AK9: variants seen among roughly 807,000 people sequenced by gnomAD.
AK9 encodes adenylate kinase 9.
AK9 carries 191 observed loss-of-function variants against 239.6 expected under a neutral mutation model. The observed-to-expected ratio is 0.80, with a 90% CI of 0.71 to 0.90. The LOEUF is 0.90. AK9 is among the 40% of genes least tolerant of loss of function. The probability of loss-of-function intolerance (pLI) is 0.00; values close to 1 mark genes in which losing one functional copy is unlikely to be tolerated. For missense variants in AK9, 1,995 were observed against 2,214.7 expected, an observed-to-expected ratio of 0.90 and a Z score of 1.99; for synonymous variants, 689 against 721.0, an observed-to-expected ratio of 0.96 and a Z score of 0.71.
At chr6:109,658,962 A>C (rs4947003) in intron 7 of AK9, among the ~76,000 whole-genome samples, 88,510 of 151,950 alleles carry the variant, frequency 0.58, 27,470 homozygotes, top group South Asian at 0.84. Flanking sequence ...ATAACTCCAT[A>C]GTTATGAAAT....
intron 8 of AK9, among the ~76,000 whole-genome samples, chr6:109,651,988 G>C (rs373380124): frequency 7.8e-4 from 119 of 152,176 alleles, no homozygotes; most frequent in South Asian, 2.3e-3. Flanking sequence ...AAGAGGAGCT[G>C]GTACCATTCC....
intron 35 of AK9, among the ~76,000 whole-genome samples, chr6:109,500,080 A>T (rs1777459938): frequency 7.2e-6 from 1 of 138,076 alleles, no homozygotes; most frequent in African/African-American, 2.7e-5. Context: ...CACAATTTAT[A>T]CCTGTGTATA....
Position 109,639,018 on chromosome 6 carries a change from A to G in AK9, c.933+2500T>C, listed in dbSNP as rs975907272. 6.0e-4 allele frequency among the ~76,000 whole-genome samples: 91 copies of G among 152,206 alleles called. 3 individuals are homozygous for G. The highest frequency in any genetic ancestry group is 2.1e-3 in the African/African-American group (89 of 41,444). On this transcript the variant is annotated intron_variant, in intron 10 of 40. Coordinates refer to ENST00000424296, the MANE Select transcript of AK9 (RefSeq NM_001145128.3). Reference sequence around the variant, plus strand: ...ATGGCTGCATAGTATTCCATGGTGTATATGTGCCACATTTTCTTAATCCAG... The same window carrying G: ...ATGGCTGCATAGTATTCCATGGTGTGTATGTGCCACATTTTCTTAATCCAG...
chr6:109,572,589 A>C (rs555258564), intron 21 of AK9, among the ~76,000 whole-genome samples: 14 of 152,300 alleles, frequency 9.2e-5, no homozygotes, highest in African/African-American at 3.4e-4. Flanking sequence ...ATAATACTTA[A>C]TATACTTGTC....
intron 9 of AK9, chr6:109,644,400 T>C: frequency 2.4e-6 from 1 of 417,180 alleles, no homozygotes; most frequent in Admixed American, 4.4e-5. Context: ...TTGAGACGCC[T>C]TTTGAAAGAG....
At position 109,653,995 on chromosome 6, in the gene AK9, G is replaced by A. The variant is rs1459525071; in HGVS notation, c.759+2761C>T. 9.4e-5 allele frequency among the ~76,000 whole-genome samples: 9 copies of A among 95,294 alleles called. No homozygotes were observed. In the East Asian group the frequency reaches 6.1e-3, roughly 64 times the overall value. The allele number at this position is 95,294 out of a possible 152,430, so 62.5% of individuals were successfully genotyped here. A position where few individuals can be genotyped will look rare whatever the true frequency, so the allele number is the denominator to read the frequency against. On this transcript the variant is annotated intron_variant, in intron 8 of 40. Coordinates refer to ENST00000424296, the MANE Select transcript of AK9 (RefSeq NM_001145128.3). ...CCCTGTGTTCCTGGAAAGCAGGGATGGCTGAGAAGACCCACCTCCATCCTT... is the reference window on the plus strand; with the variant it reads ...CCCTGTGTTCCTGGAAAGCAGGGATAGCTGAGAAGACCCACCTCCATCCTT...
At chr6:109,600,180 T>C (rs1279267923) in intron 17 of AK9, among the ~76,000 whole-genome samples, 2 of 152,122 alleles carry the variant, frequency 1.3e-5, no homozygotes, top group African/African-American at 4.8e-5. Context: ...ATGCTTCCAG[T>C]TTTTGCCCAT....
At chr6:109,592,446 C>CTTTTTTTTTTTTTTTTTTTTTTTTTTTT in intron 17 of AK9, among the ~76,000 whole-genome samples, 1 of 126,760 alleles carries the variant, frequency 7.9e-6, no homozygotes, top group Non-Finnish European at 1.6e-5. Flanking sequence ...AATGGGATTT[C>CTTTTTTTTTTTTTTTTTTTTTTTTTTTT]TTTTTTTTTT....
chr6:109,666,069 T>C (rs756179629), intron 5 of AK9, among the ~76,000 whole-genome samples: 1 of 152,234 alleles, frequency 6.6e-6, no homozygotes, highest in East Asian at 1.9e-4. Flanking sequence ...TCCATGGATC[T>C]AGCTCTCTCT....
At chr6:109,663,347 G>A (rs1800700683) in intron 5 of AK9, among the ~76,000 whole-genome samples, 1 of 152,072 alleles carries the variant, frequency 6.6e-6, no homozygotes, top group African/African-American at 2.4e-5. Context: ...GGAATTAAAA[G>A]CTTTCAGCTT....
chr6:109,672,451 G>A (rs1296979038), intron 3 of AK9, among the ~76,000 whole-genome samples: 1 of 152,130 alleles, frequency 6.6e-6, no homozygotes, highest in Non-Finnish European at 1.5e-5. Context: ...GGGAGTTCAA[G>A]GCAGGAGGAT....
At chr6:109,506,188 G>T in intron 35 of AK9, 139 bp downstream of exon 35, 2 of 719,480 alleles carry the variant, frequency 2.8e-6, no homozygotes, top group Non-Finnish European at 4.6e-6. Flanking sequence ...ATTATATATA[G>T]TATTGGATAA....
Position 109,680,745 on chromosome 6 carries a change from A to C in AK9, c.-11-4989T>G, listed in dbSNP as rs181277096. Reference sequence around the variant, plus strand: ...CCACAAAGGGAAGCCCATCAGACTAACAGTGGATCTCTGCAGAAACCCTAC... The same window carrying C: ...CCACAAAGGGAAGCCCATCAGACTACCAGTGGATCTCTGCAGAAACCCTAC... On this transcript the variant is annotated intron_variant, in intron 1 of 40. Transcript: ENST00000424296. Among the ~76,000 whole-genome samples the C allele has an allele frequency of 6.9e-3, 1,049 of 152,366 alleles. 13 individuals are homozygous for C. The highest frequency in any genetic ancestry group is 0.024 in the African/African-American group (1,011 of 41,580).
At chr6:109,603,804 T>G (rs531063748) in intron 17 of AK9, among the ~76,000 whole-genome samples, 4 of 152,282 alleles carry the variant, frequency 2.6e-5, no homozygotes, top group Admixed American at 2.0e-4. Flanking sequence ...ACTGGCACAT[T>G]GCAGTTCGAT....
At chr6:109,566,704 C>A (rs1167082773) in intron 21 of AK9, among the ~76,000 whole-genome samples, 2 of 152,034 alleles carry the variant, frequency 1.3e-5, no homozygotes, top group Non-Finnish European at 2.9e-5. Flanking sequence ...ATAATGGACA[C>A]TGGAGACTCA....
At chr6:109,547,464 T>C (rs1262156798) in intron 25 of AK9, among the ~76,000 whole-genome samples, 2 of 152,120 alleles carry the variant, frequency 1.3e-5, no homozygotes, top group Non-Finnish European at 2.9e-5. Context: ...CTCTTTAATA[T>C]ATGGTGCTGT....
Position 109,656,796 on chromosome 6 carries a change from A to G in AK9, c.719T>C (p.Ile240Thr), listed in dbSNP as rs1799756968. ...PEDYLENVENIVKLYKETILQ... is the reference protein window; with the variant it reads ...PEDYLENVENTVKLYKETILQ... The stretch of plus-strand genomic sequence containing the variant: ...AATTGTTTCCTTATAAAGCTTAACA[A>G]TGTTTTCAACATTTTCCAAATAATC... Residue 240 changes from isoleucine to threonine, a missense_variant, in exon 8 of 41, where the codon ATT becomes ACT. Ile to Thr is a moderately conservative substitution (Grantham distance 89). This residue lies in a region of AK9 where 17 missense variants were observed against 39.1 expected (regional missense o/e 0.43). Transcript: ENST00000424296. 6.2e-7 allele frequency: 1 copy of G among 1,606,792 alleles called. No individual in the cohort carries two copies. Among genetic ancestry groups the G allele is most frequent in the South Asian group, 1.1e-5 (1 of 90,810 alleles).
chr6:109,612,514 C>G (rs765134957), intron 15 of AK9, among the ~76,000 whole-genome samples: 3 of 152,106 alleles, frequency 2.0e-5, no homozygotes, highest in Non-Finnish European at 4.4e-5. Flanking sequence ...ACTGCCTCCC[C>G]CAAAGATGGA....
chr6:109,511,991 G>T (rs530396350), intron 32 of AK9, among the ~76,000 whole-genome samples: 3 of 152,240 alleles, frequency 2.0e-5, no homozygotes, highest in Admixed American at 2.0e-4. Flanking sequence ...TATGTCAGAG[G>T]CGTGCAAACA....
Sources: gnomAD v4.1 joint callset for allele counts (sites outside exome capture counted in the v4.1 genomes callset) on GRCh38, gnomAD v4.1.1 for gene constraint, gnomAD v4.1.1 regional missense constraint, MANE v1.5 for transcripts, NCBI Gene and HGNC (gene_info 2026-07-23, HGNC 2026-07-21) for gene names.